Variants in TRPM5 observed in about 807,000 individuals in gnomAD.
TRPM5 encodes the protein MLSN1 and TRP-related.
In TRPM5, 121 loss-of-function variants were observed where a neutral mutation model predicts 124.9. The ratio of observed to expected loss-of-function variants is 0.97; its 90% CI spans 0.84 to 1.13. The LOEUF is 1.13. TRPM5 is among the 50% of genes most tolerant of loss of function. The pLI, the probability that TRPM5 is intolerant of heterozygous loss-of-function variation, is 0.00. For synonymous variants in TRPM5, 781 were observed against 700.5 expected (o/e 1.11, Z -1.81); for missense variants, 1,643 against 1,589.1 (o/e 1.03, Z -0.58).
At chr11:2,438,584 C>T in the TRPM5 span, among the ~76,000 whole-genome samples, 5 of 152,218 alleles carry the variant, frequency 3.3e-5, no homozygotes. The surrounding 1 kb of genome is among the most constrained non-coding windows in gnomAD (Gnocchi z 5.9). Flanking sequence ...GGAGGATCAC[C>T]TAAGCCTGGG....
At chr11:2,409,780 G>A (rs570716224) in intron 18 of TRPM5, among the ~76,000 whole-genome samples, 29 of 152,334 alleles carry the variant, frequency 1.9e-4, no homozygotes, top group African/African-American at 6.3e-4. Flanking sequence ...CTCAGTGGGC[G>A]GCCGGGGCTG....
chr11:2,422,392 C>CTGGACACA (rs1845785733), intron 1 of TRPM5, 71 bp from the exon 7 acceptor site: 1 of 1,250,852 alleles, frequency 8.0e-7, no homozygotes, highest in Non-Finnish European at 1.1e-6. Flanking sequence ...TTGGGGGGGG[C>CTGGACACA]TGGACACAAG....
chr11:2,413,156 G>A, exon 14 of TRPM5: 5 of 1,553,500 alleles, frequency 3.2e-6, no homozygotes, highest in Non-Finnish European at 4.4e-6. Flanking sequence ...CCATACAGCG[G>A]GCTCTTCTCC....
the TRPM5 span, among the ~76,000 whole-genome samples, chr11:2,434,915 C>T: frequency 2.4e-4 from 37 of 152,276 alleles, no homozygotes; most frequent in South Asian, 6.6e-3. Context: ...CTCAACCATC[C>T]GATCACCCAT....
exon 18 of TRPM5, chr11:2,411,474 T>C (rs758276128): frequency 6.2e-7 from 1 of 1,611,544 alleles, no homozygotes; most frequent in Non-Finnish European, 8.5e-7. Flanking sequence ...GGTGACACCG[T>C]AGGCCACGAG....
chr11:2,413,023 G>C lies in TRPM5; in HGVS notation c.2097-11C>G. 1 of 1,597,578 alleles carries C rather than the reference G, an allele frequency of 6.3e-7. No homozygotes were observed. Among genetic ancestry groups the C allele is most frequent in the Non-Finnish European group, 8.5e-7 (1 of 1,173,276 alleles). On this transcript the variant is annotated splice_polypyrimidine_tract_variant and intron_variant, in intron 14 of 23. Transcript: ENST00000155858. ...ACCAGCTCCTCCACCCTGTGCCGCAGAGAAGTTCGCAGTGGTGAGGCTGGC... is the reference window on the plus strand; with the variant it reads ...ACCAGCTCCTCCACCCTGTGCCGCACAGAAGTTCGCAGTGGTGAGGCTGGC...
At chr11:2,410,576 G>T in intron 18 of TRPM5, 1 of 401,764 alleles carries the variant, frequency 2.5e-6, no homozygotes, top group Non-Finnish European at 5.0e-6. Flanking sequence ...CCATCCCAGG[G>T]GCCTGCACAG....
At chr11:2,405,454 C>T (rs887907774) in intron 23 of TRPM5, 73 bp downstream of exon 28, 1 of 1,460,064 alleles carries the variant, frequency 6.8e-7, no homozygotes, top group African/African-American at 1.4e-5. Flanking sequence ...CACAGCACAG[C>T]CTACGGCCCC....
exon 24 of TRPM5, chr11:2,404,885 G>A (rs1300375760): frequency 1.3e-6 from 2 of 1,501,628 alleles, no homozygotes; most frequent in Non-Finnish European, 1.8e-6. Context: ...TGCACAACGT[G>A]CAGGGTGGCC....
chr11:2,413,593 G>A lies in TRPM5; in HGVS notation c.1891-5C>T, dbSNP rs773787043. The A allele has an allele frequency of 2.5e-6, 4 of 1,611,248 alleles. No individual in the cohort carries two copies. The East Asian group carries it at 6.7e-5, about 27-fold the overall frequency. On this transcript the variant is annotated splice_polypyrimidine_tract_variant and splice_region_variant and intron_variant, in intron 12 of 23. Coordinates refer to ENST00000155858, the Ensembl canonical transcript of TRPM5. ...CCAGATCCTGGTCAGGAAGGCCTGAGGTGAAGGCAAAACTGTCGGCTCCAA... is the reference window on the plus strand; with the variant it reads ...CCAGATCCTGGTCAGGAAGGCCTGAAGTGAAGGCAAAACTGTCGGCTCCAA...
At chr11:2,424,142 G>C (rs1433180654), upstream of TRPM5, among the ~76,000 whole-genome samples, 1 of 152,272 alleles carries the variant, frequency 6.6e-6, no homozygotes, top group Non-Finnish European at 1.5e-5. Flanking sequence ...TGGTTCTCCT[G>C]TGCCCACCTT....
At position 2,411,356 on chromosome 11, in the gene TRPM5, A is replaced by T. The variant is rs772884245; in HGVS notation, c.2778T>A (p.Ile926=). ...CCCCGCTGGCTGTGTGCAAACCATCAATCTCGTCCAGTGGGATCTGGCCGA... is the reference window on the plus strand; with the variant it reads ...CCCCGCTGGCTGTGTGCAAACCATCTATCTCGTCCAGTGGGATCTGGCCGA... The change falls in exon 18 of 24, where the codon ATT becomes ATA. Residue 926 remains isoleucine, a synonymous_variant. Transcript: ENST00000155858. 3.8e-6 allele frequency: 6 copies of T among 1,595,064 alleles called. No individual in the cohort carries two copies. In the South Asian group the frequency reaches 5.6e-5, roughly 15 times the overall value.
chr11:2,404,912 C>T, exon 24 of TRPM5: 1 of 1,592,076 alleles, frequency 6.3e-7, no homozygotes, highest in Non-Finnish European at 8.6e-7. Context: ...GGAGAGGTGG[C>T]CCCACACGTG....
At chr11:2,409,134 T>G (rs1285906139) in intron 18 of TRPM5, among the ~76,000 whole-genome samples, 1 of 152,130 alleles carries the variant, frequency 6.6e-6, no homozygotes, top group African/African-American at 2.4e-5. Context: ...TGTGACGCGT[T>G]GGCCCGTGTG....
the TRPM5 span, among the ~76,000 whole-genome samples, chr11:2,429,639 G>C: frequency 2.8e-3 from 418 of 151,800 alleles, 3 homozygotes; most frequent in African/African-American, 9.2e-3. The surrounding 1 kb of genome is among the most constrained non-coding windows in gnomAD (Gnocchi z 8.4). Context: ...TGATAATGGT[G>C]GTCATGGTGA....
At chr11:2,420,359 C>G in exon 4 of TRPM5, 12 of 1,612,696 alleles carry the variant, frequency 7.4e-6, no homozygotes, top group Non-Finnish European at 1.0e-5. Context: ...ACAGAGGGGG[C>G]CCTGGCTGCC....
Position 2,404,896 on chromosome 11 carries a change from A to G in TRPM5, c.*41T>C, listed in dbSNP as rs558702927. The G allele has an allele frequency of 3.2e-6, 5 of 1,550,758 alleles. No individual in the cohort carries two copies. The East Asian group carries it at 1.1e-4, about 35-fold the overall frequency. On this transcript the variant is annotated 3_prime_UTR_variant, in exon 24 of 24. Coordinates refer to ENST00000155858, the Ensembl canonical transcript of TRPM5. ...TCAGTGCACAACGTGCAGGGTGGCC[A>G]GCTGAGGAGAGGTGGCCCCACACGT...
chr11:2,416,930 G>T (rs1845696030), intron 7 of TRPM5, among the ~76,000 whole-genome samples: 1 of 152,194 alleles, frequency 6.6e-6, no homozygotes, highest in Non-Finnish European at 1.5e-5. Flanking sequence ...GCATGGAATG[G>T]CATACGCTTC....
At chr11:2,416,433 A>G (rs931886159) in intron 7 of TRPM5, among the ~76,000 whole-genome samples, 1 of 152,140 alleles carries the variant, frequency 6.6e-6, no homozygotes, top group African/African-American at 2.4e-5. Context: ...TGAGGTCACC[A>G]GGGTCACTCA....
Sources: allele counts gnomAD v4.1 joint callset (sites outside exome capture counted in the v4.1 genomes callset), GRCh38; gene constraint gnomAD v4.1.1; non-coding constraint Gnocchi (gnomAD v3.1); transcripts MANE v1.5; gene names NCBI Gene and HGNC (gene_info 2026-07-23, HGNC 2026-07-21).